ABHD10: variants seen among roughly 807,000 people sequenced by gnomAD.
ABHD10 encodes abhydrolase domain containing 10, depalmitoylase, also known as palmitoyl-protein thioesterase ABHD10, mitochondrial.
ABHD10 carries 22 observed loss-of-function variants against 33.1 expected under a neutral mutation model. The observed-to-expected ratio is 0.66, with a 90% CI of 0.47 to 0.95. ABHD10 has a LOEUF of 0.95. Among genes scored for constraint, ABHD10 ranks in the 40% least tolerant of loss-of-function variants. ABHD10 has a pLI of 0.00. For missense variants in ABHD10, 352 were observed against 379.9 expected (o/e 0.93, Z 0.61); for synonymous variants, 146 against 133.9 (o/e 1.09, Z -0.62).
chr3:111,991,785 G>GA lies in ABHD10; in HGVS notation c.*67dup, dbSNP rs1281557553. 1.6e-6 allele frequency: 2 copies of GA among 1,266,058 alleles called. No individual in the cohort carries two copies. Among genetic ancestry groups the GA allele is most frequent in the Admixed American group, 5.3e-5 (2 of 37,900 alleles). The allele number at this position is 1,266,058 out of a possible 1,614,324, so 78.4% of individuals were successfully genotyped here. On this transcript the variant is annotated 3_prime_UTR_variant, in exon 5 of 5. Coordinates refer to ENST00000273359, the MANE Select transcript of ABHD10 (RefSeq NM_018394.4). ...GAAGATTGGAAGAGGGATAAGAAAT[G>GA]AAAGATCCTGATACTTTAGGTTTTT...
At chr3:111,980,991 C>A (rs1346200694) in intron 1 of ABHD10, among the ~76,000 whole-genome samples, 1 of 152,030 alleles carries the variant, frequency 6.6e-6, no homozygotes, top group Admixed American at 6.6e-5. Flanking sequence ...AAACCTGTTT[C>A]TTCCCTGACC....
chr3:111,982,861 G>A (rs896707988), intron 2 of ABHD10, among the ~76,000 whole-genome samples: 9 of 151,996 alleles, frequency 5.9e-5, no homozygotes, highest in Non-Finnish European at 1.2e-4. Flanking sequence ...CAATATATTA[G>A]CAGCAATTAT....
intron 3 of ABHD10, 113 bp from the exon 4 acceptor site, chr3:111,986,801 G>A (rs1031150368): frequency 3.9e-6 from 3 of 765,922 alleles, no homozygotes; most frequent in Non-Finnish European, 3.9e-6. Flanking sequence ...TTTGATATTT[G>A]ATTTAAAATG....
Position 111,991,472 on chromosome 3 carries a change from A to G in ABHD10, c.672A>G (p.Glu224=), listed in dbSNP as rs1453426533. Residue 224 remains glutamate, a synonymous_variant, in exon 5 of 5, where the codon GAA becomes GAG. Transcript: ENST00000273359. The part of the protein sequence containing the change: ...VYNVQYSFIK[E]AEHHCLLHSP... The stretch of plus-strand genomic sequence containing the variant: ...ACGTTCAGTACAGTTTCATTAAAGA[A>G]GCTGAACATCACTGCTTGTTACATA... The G allele has an allele frequency of 1.2e-6, 2 of 1,614,064 alleles. No individual in the cohort carries two copies. The highest frequency in any genetic ancestry group is 8.5e-7 in the Non-Finnish European group (1 of 1,179,962).
intron 2 of ABHD10, among the ~76,000 whole-genome samples, chr3:111,985,142 G>T (rs13068845): frequency 0.25 from 37,722 of 152,068 alleles, 4,976 homozygotes; most frequent in East Asian, 0.49. Flanking sequence ...ACGAATTTGG[G>T]TTGGGGAGGA....
At chr3:111,983,200 G>A (rs1280169923) in intron 2 of ABHD10, among the ~76,000 whole-genome samples, 1 of 152,154 alleles carries the variant, frequency 6.6e-6, no homozygotes, top group African/African-American at 2.4e-5. Flanking sequence ...GAGACAGTGG[G>A]ATTGAAATAG....
rs2072743326 is a variant in ABHD10, at chr3:111,991,811, C to T, written c.*90C>T. ...AAAGATCCTGATACTTTAGGTTTTT[C>T]CCTTTCCTCTATTTTGTAAATATAA... On this transcript the variant is annotated 3_prime_UTR_variant, in exon 5 of 5. Transcript: ENST00000273359. The T allele has an allele frequency of 7.9e-6, 8 of 1,010,174 alleles. No individual in the cohort carries two copies. Among genetic ancestry groups the T allele is most frequent in the Non-Finnish European group, 1.1e-5 (8 of 701,948 alleles). The allele number at this position is 1,010,174 out of a possible 1,614,324, so 62.6% of individuals were successfully genotyped here. A position where few individuals can be genotyped will look rare whatever the true frequency, so the allele number is the denominator to read the frequency against.
intron 4 of ABHD10, among the ~76,000 whole-genome samples, chr3:111,988,082 G>C (rs578197506): frequency 6.6e-6 from 1 of 152,156 alleles, no homozygotes; most frequent in South Asian, 2.1e-4. Context: ...TGGGGGAAGA[G>C]GAGAAGGAGG....
Position 111,991,971 on chromosome 3 carries a change from A to T in ABHD10, c.*250A>T, listed in dbSNP as rs570666565. 60 of 350,156 alleles carry T rather than the reference A, an allele frequency of 1.7e-4. No individual in the cohort carries two copies. Among genetic ancestry groups the T allele is most frequent in the African/African-American group, 1.2e-3 (56 of 46,536 alleles). The allele number at this position is 350,156 out of a possible 1,614,324, so 21.7% of individuals were successfully genotyped here. A position where few individuals can be genotyped will look rare whatever the true frequency, so the allele number is the denominator to read the frequency against. ...TAAAGTATTTCCTTTTTTTAATTCA[A>T]GAAAAGTTTACCTTTCTTATGCTTA... On this transcript the variant is annotated 3_prime_UTR_variant, in exon 5 of 5. Coordinates refer to ENST00000273359, the MANE Select transcript of ABHD10 (RefSeq NM_018394.4).
chr3:111,980,831 C>T (rs2072574335), intron 1 of ABHD10, among the ~76,000 whole-genome samples: 1 of 152,130 alleles, frequency 6.6e-6, no homozygotes, highest in South Asian at 2.1e-4. Flanking sequence ...GCTCATTGAA[C>T]CCACCTCAGC....
chr3:111,990,076 A>G (rs573442618), intron 4 of ABHD10, among the ~76,000 whole-genome samples: 1 of 151,990 alleles, frequency 6.6e-6, no homozygotes, highest in Non-Finnish European at 1.5e-5. Context: ...TTAATATTAT[A>G]TGATTGTAAC....
In ABHD10 at chr3:111,991,797, T is replaced by C; in HGVS notation, c.*76T>C. On this transcript the variant is annotated 3_prime_UTR_variant, in exon 5 of 5. Transcript: ENST00000273359. Reference sequence around the variant, plus strand: ...AGGGATAAGAAATGAAAGATCCTGATACTTTAGGTTTTTCCCTTTCCTCTA... The same window carrying C: ...AGGGATAAGAAATGAAAGATCCTGACACTTTAGGTTTTTCCCTTTCCTCTA... 8.5e-7 allele frequency: 1 copy of C among 1,177,128 alleles called. No homozygotes were observed. Among genetic ancestry groups the C allele is most frequent in the South Asian group, 1.6e-5 (1 of 64,512 alleles). 72.9% of individuals were successfully genotyped at this position (1,177,128 alleles called of 1,614,324 possible). A position where few individuals can be genotyped will look rare whatever the true frequency, so the allele number is the denominator to read the frequency against.
Position 111,990,689 on chromosome 3 carries a change from C to A in ABHD10, c.577-688C>A, listed in dbSNP as rs781721751. On this transcript the variant is annotated intron_variant, in intron 4 of 4. Transcript: ENST00000273359. ...ATCCAGAACAAAAATCAAATTTTTTCTCTTTTATAGGACTCTGGAAGGAAA... is the reference window on the plus strand; with the variant it reads ...ATCCAGAACAAAAATCAAATTTTTTATCTTTTATAGGACTCTGGAAGGAAA... 8.9e-5 allele frequency: 121 copies of A among 1,357,112 alleles called. No homozygotes were observed. The African/African-American group carries it at 1.6e-3, about 18-fold the overall frequency. 84.1% of individuals were successfully genotyped at this position (1,357,112 alleles called of 1,614,324 possible). A position where few individuals can be genotyped will look rare whatever the true frequency, so the allele number is the denominator to read the frequency against.
chr3:111,990,536 TTAAGA>T (rs1292822962), intron 4 of ABHD10, among the ~76,000 whole-genome samples: 2 of 151,842 alleles, frequency 1.3e-5, no homozygotes, highest in African/African-American at 4.8e-5. Context: ...TTTAGAAAAA[TTAAGA>T]TAAATTATAT....
At position 111,979,132 on chromosome 3, in the gene ABHD10, C is replaced by T; in HGVS notation, c.71C>T (p.Pro24Leu). 2 of 1,613,366 alleles carry T rather than the reference C, an allele frequency of 1.2e-6. No individual in the cohort carries two copies. The highest frequency in any genetic ancestry group is 1.7e-4 in the Middle Eastern group (1 of 6,056). The change falls in exon 1 of 5, where the codon CCC becomes CTC. Residue 24 changes from proline (P) to leucine (L), a missense_variant. Transcript: ENST00000273359. ...PCRSWGWAAV[P>L]FGPHRGLSVL... Reference sequence around the variant, plus strand: ...CGGAGCTGGGGCTGGGCAGCCGTCCCCTTCGGTCCCCACCGTGGCCTCAGC... The same window carrying T: ...CGGAGCTGGGGCTGGGCAGCCGTCCTCTTCGGTCCCCACCGTGGCCTCAGC...
rs2072754544 is a variant in ABHD10 at position 111,992,523 on chromosome 3, A to G, written c.*802A>G. ...CAACTAGGCAAGTGATTGCCACCTAAATCAGAAGACGTTCTAAAGTCAGTA... is the reference window on the plus strand; with the variant it reads ...CAACTAGGCAAGTGATTGCCACCTAGATCAGAAGACGTTCTAAAGTCAGTA... On this transcript the variant is annotated 3_prime_UTR_variant, in exon 5 of 5. Coordinates refer to ENST00000273359, the MANE Select transcript of ABHD10 (RefSeq NM_018394.4). 6.6e-6 allele frequency: 1 copy of G among 152,098 alleles called. No homozygotes were observed. Among genetic ancestry groups the G allele is most frequent in the Non-Finnish European group, 1.5e-5 (1 of 68,004 alleles). The allele number at this position is 152,098 out of a possible 1,614,324, so 9.4% of individuals were successfully genotyped here.
In ABHD10 at chr3:111,981,669, GA is replaced by G. The variant is rs2072586919; in HGVS notation, c.143-112del. On this transcript the variant is annotated intron_variant, in intron 1 of 4. Coordinates refer to ENST00000273359, the MANE Select transcript of ABHD10 (RefSeq NM_018394.4). ...CTGTTCTTGTTTTTTCTATTAAATGGAAATAGTATTTAACATCAATTCATTG... is the reference window on the plus strand; with the variant it reads ...CTGTTCTTGTTTTTTCTATTAAATGGAATAGTATTTAACATCAATTCATTG... 3 of 941,462 alleles carry G rather than the reference GA, an allele frequency of 3.2e-6. No homozygotes were observed. The Admixed American group carries it at 7.7e-5, about 24-fold the overall frequency. 58.3% of individuals were successfully genotyped at this position (941,462 alleles called of 1,614,324 possible).
At position 111,979,130 on chromosome 3, in the gene ABHD10, C is replaced by T; in HGVS notation, c.69C>T (p.Val23=). ...GTCGGAGCTGGGGCTGGGCAGCCGT[C>T]CCCTTCGGTCCCCACCGTGGCCTCA... ...VPCRSWGWAA[V]PFGPHRGLSV... The change falls in exon 1 of 5, where the codon GTC becomes GTT. Residue 23 remains valine (V), a synonymous_variant. Coordinates refer to ENST00000273359, the MANE Select transcript of ABHD10 (RefSeq NM_018394.4). 1 of 1,613,344 alleles carries T rather than the reference C, an allele frequency of 6.2e-7. No individual in the cohort carries two copies. The highest frequency in any genetic ancestry group is 8.5e-7 in the Non-Finnish European group (1 of 1,179,824).
chr3:111,985,807 TGGGAGGGA>T (rs1238891491), intron 2 of ABHD10, among the ~76,000 whole-genome samples: 5 of 144,596 alleles, frequency 3.5e-5, no homozygotes, highest in African/African-American at 5.1e-5. Context: ...AAGATACAGT[TGGGAGGGA>T]GGGAGGGAGA....
Sources: allele counts gnomAD v4.1 joint callset (sites outside exome capture counted in the v4.1 genomes callset), GRCh38; gene constraint gnomAD v4.1.1; transcripts MANE v1.5; gene names NCBI Gene and HGNC (gene_info 2026-07-23, HGNC 2026-07-21).